The following STK17A variants were observed in gnomAD, a reference collection of about 807,000 sequenced individuals.
The protein encoded by STK17A is serine/threonine-protein kinase 17A.
In STK17A, 26 loss-of-function variants were observed where a neutral mutation model predicts 43.7. The observed-to-expected ratio is 0.60, with a 90% CI of 0.44 to 0.83. The LOEUF (loss-of-function observed/expected upper bound fraction) is 0.83. Among genes scored for constraint, STK17A ranks in the 40% least tolerant of loss-of-function variants. STK17A has a pLI of 0.00. For missense variants in STK17A, 476 were observed against 511.6 expected, an observed-to-expected ratio of 0.93 and a Z score of 0.67; for synonymous variants, 191 against 182.5, an observed-to-expected ratio of 1.05 and a Z score of -0.38.
chr7:43,590,719 A>C (rs1222950128), intron 1 of STK17A, among the ~76,000 whole-genome samples: 1 of 151,512 alleles, frequency 6.6e-6, no homozygotes, highest in Non-Finnish European at 1.5e-5. Flanking sequence ...TTTGGACCTC[A>C]TCAGCCCCAA....
In STK17A at chr7:43,623,895, A is replaced by G. The variant is rs146014869; in HGVS notation, c.920+7A>G. 245 of 1,479,366 alleles carry G rather than the reference A, an allele frequency of 1.7e-4. No individual in the cohort carries two copies. In the African/African-American group the frequency reaches 3.3e-3, roughly 20 times the overall value. The allele number at this position is 1,479,366 out of a possible 1,614,324, so 91.6% of individuals were successfully genotyped here. A position where few individuals can be genotyped will look rare whatever the true frequency, so the allele number is the denominator to read the frequency against. On this transcript the variant is annotated splice_region_variant and intron_variant, in intron 6 of 6. Transcript: ENST00000319357. ...TTTTAGTTAAGAAACCTGAGTAAGTATTATTTTTATTAGTTTAATATTGAA... is the reference window on the plus strand; with the variant it reads ...TTTTAGTTAAGAAACCTGAGTAAGTGTTATTTTTATTAGTTTAATATTGAA...
intron 4 of STK17A, chr7:43,622,281 A>G (rs1052748919): frequency 5.3e-5 from 8 of 151,354 alleles, no homozygotes; most frequent in African/African-American, 2.0e-4. Flanking sequence ...TTCTCACTCA[A>G]CCATTTCAGA....
intron 1 of STK17A, among the ~76,000 whole-genome samples, chr7:43,583,804 C>T (rs2082420291): frequency 6.6e-6 from 1 of 152,204 alleles, no homozygotes; most frequent in African/African-American, 2.4e-5. Context: ...GGTCTGAAAA[C>T]CAGAGGTCTG....
At chr7:43,586,567 A>G (rs1006674655) in intron 1 of STK17A, among the ~76,000 whole-genome samples, 1 of 151,626 alleles carries the variant, frequency 6.6e-6, no homozygotes. Context: ...ACTGGGGCAC[A>G]CAAGAGAAAT....
intron 3 of STK17A, 66 bp downstream of exon 3, chr7:43,608,466 G>A: frequency 2.6e-6 from 4 of 1,528,530 alleles, no homozygotes; most frequent in Non-Finnish European, 3.5e-6. Context: ...ATATTTAACA[G>A]TGATTTATTC....
chr7:43,602,499 G>A (rs2082562218), intron 2 of STK17A, among the ~76,000 whole-genome samples: 1 of 152,178 alleles, frequency 6.6e-6, no homozygotes, highest in South Asian at 2.1e-4. Context: ...AGTCCTGTGT[G>A]CCAAAATTAG....
At chr7:43,600,639 A>G (rs2082549028) in intron 2 of STK17A, among the ~76,000 whole-genome samples, 1 of 152,236 alleles carries the variant, frequency 6.6e-6, no homozygotes, top group African/African-American at 2.4e-5. Flanking sequence ...CAAAAGCGAT[A>G]TTCATTGATT....
intron 1 of STK17A, among the ~76,000 whole-genome samples, chr7:43,595,484 G>T (rs59191975): frequency 1.3e-3 from 195 of 152,092 alleles, no homozygotes; most frequent in African/African-American, 4.5e-3. Context: ...TCGCCATTTT[G>T]GCCAGGTTGG....
intron 2 of STK17A, among the ~76,000 whole-genome samples, chr7:43,607,647 CAAAAAA>C (rs760624386): frequency 1.3e-4 from 7 of 54,356 alleles, no homozygotes; most frequent in South Asian, 7.9e-4. Flanking sequence ...GACTCCGTCT[CAAAAAA>C]AAAAAAAAAA....
rs762040230 is a variant in STK17A, at chr7:43,624,886, G to A, written c.*44G>A. The A allele has an allele frequency of 1.3e-5, 20 of 1,501,134 alleles. No homozygotes were observed. The Admixed American group carries it at 2.9e-4, about 22-fold the overall frequency. The allele number at this position is 1,501,134 out of a possible 1,614,324, so 93.0% of individuals were successfully genotyped here. ...ACTTCAAGATTTCTACATTGAAAATGTTAATATTATTTATGGACCTCTGGC... is the reference window on the plus strand; with the variant it reads ...ACTTCAAGATTTCTACATTGAAAATATTAATATTATTTATGGACCTCTGGC... On this transcript the variant is annotated 3_prime_UTR_variant, in exon 7 of 7. Coordinates refer to ENST00000319357, the MANE Select transcript of STK17A (RefSeq NM_004760.3).
At chr7:43,597,522 C>T (rs1234407887) in intron 2 of STK17A, among the ~76,000 whole-genome samples, 2 of 152,080 alleles carry the variant, frequency 1.3e-5, no homozygotes, top group Admixed American at 6.5e-5. Context: ...GCTAGGATTA[C>T]AGGCATCCGT....
intron 3 of STK17A, among the ~76,000 whole-genome samples, chr7:43,615,207 A>T (rs960466221): frequency 3.3e-5 from 5 of 152,162 alleles, no homozygotes; most frequent in Admixed American, 6.5e-5. Flanking sequence ...ATAGGGTCGT[A>T]TTCTGTTACC....
rs772142141 is a variant in STK17A at position 43,624,623 on chromosome 7, C to T, written c.1026C>T (p.Ala342=). The T allele has an allele frequency of 6.2e-7, 1 of 1,614,040 alleles. No homozygotes were observed. The highest frequency in any genetic ancestry group is 1.7e-5 in the Admixed American group (1 of 60,012). ...AAAAGGCACTAGAAGAAGCAAATGC[C>T]CTCCAAGAAGGTCATTCTGTGCCTG... is the stretch of plus-strand genomic sequence containing the variant. ...RMEKALEEAN[A]LQEGHSVPEI... The change falls in exon 7 of 7, where the codon GCC becomes GCT. Residue 342 remains alanine, a synonymous_variant. Coordinates refer to ENST00000319357, the MANE Select transcript of STK17A (RefSeq NM_004760.3).
chr7:43,625,963 TTTTA>T lies in STK17A; in HGVS notation c.*1125_*1128del, dbSNP rs750786532. The T allele has an allele frequency of 4.6e-5, 7 of 152,224 alleles. No homozygotes were observed. The highest frequency in any genetic ancestry group is 6.5e-5 in the Admixed American group (1 of 15,280). 9.4% of individuals were successfully genotyped at this position (152,224 alleles called of 1,614,324 possible). ...AAGATGTATAAGAATGTACTAATAG[TTTTA>T]TTTGATTAGGATTGAACAGTTCAGT... On this transcript the variant is annotated 3_prime_UTR_variant, in exon 7 of 7. Coordinates refer to ENST00000319357, the MANE Select transcript of STK17A (RefSeq NM_004760.3).
chr7:43,606,286 A>G (rs990014015), intron 2 of STK17A, among the ~76,000 whole-genome samples: 15 of 152,196 alleles, frequency 9.9e-5, no homozygotes, highest in Admixed American at 6.5e-5. Flanking sequence ...GCCTCAGAGC[A>G]GGACAGAAAT....
At position 43,623,592 on chromosome 7, in the gene STK17A, G is replaced by T; in HGVS notation, c.712G>T (p.Asp238Tyr). Residue 238 changes from aspartate to tyrosine, a missense_variant, in exon 5 of 7, where the codon GAT (aspartate) becomes TAT (tyrosine). This residue lies in a region of STK17A where 320 missense variants were observed against 326.3 expected (regional missense o/e 0.98). Transcript: ENST00000319357. ...EYVAPEILSY[D>Y]PISMATDMWS... ...ACTAGCTCCTGAAATTCTTAGTTAT[G>T]ATCCTATAAGCATGGCAACAGATAT... The T allele has an allele frequency of 6.2e-7, 1 of 1,609,972 alleles. No individual in the cohort carries two copies. Among genetic ancestry groups the T allele is most frequent in the South Asian group, 1.1e-5 (1 of 89,864 alleles).
At position 43,583,290 on chromosome 7, in the gene STK17A, C is replaced by T. The variant is rs766177555; in HGVS notation, c.47C>T (p.Ala16Val). ...GGCAGCGGCGGCTCCTCCCCAGGCG[C>T]CACCTCAGGCTCGGGCCGGGCAGGC... is the stretch of plus-strand genomic sequence containing the variant. ...KPGSGGSSPG[A>V]TSGSGRAGRG... The change falls in exon 1 of 7, where the codon GCC becomes GTC. Residue 16 changes from alanine (A) to valine (V), a missense_variant. Ala to Val is a moderately conservative substitution (Grantham distance 64). This residue lies in a region of STK17A where 320 missense variants were observed against 326.3 expected (regional missense o/e 0.98). Transcript: ENST00000319357. 1.0e-5 allele frequency: 16 copies of T among 1,541,556 alleles called. No individual in the cohort carries two copies. The East Asian group carries it at 3.3e-4, about 32-fold the overall frequency.
At chr7:43,619,523 T>C (rs2083656487) in intron 3 of STK17A, 74 bp from the exon 4 acceptor site, 1 of 1,527,450 alleles carries the variant, frequency 6.5e-7, no homozygotes, top group Admixed American at 2.1e-5. Flanking sequence ...AGGTGAAATA[T>C]GTTTTATGGG....
In STK17A at chr7:43,621,615, G is replaced by A. The variant is rs970487044; in HGVS notation, c.691+1892G>A. Among the ~76,000 whole-genome samples the A allele has an allele frequency of 3.9e-5, 6 of 152,056 alleles. 1 individual carries two copies. Among genetic ancestry groups the A allele is most frequent in the South Asian group, 4.2e-4 (2 of 4,798 alleles). On this transcript the variant is annotated intron_variant, in intron 4 of 6. Coordinates refer to ENST00000319357, the MANE Select transcript of STK17A (RefSeq NM_004760.3). ...CCCGAGTAGCTGGGACCACAGGCAC[G>A]TGCCAGCACAGCGGGCCAGTTTTTT...
Sources: gnomAD v4.1 joint callset for allele counts (sites outside exome capture counted in the v4.1 genomes callset) on GRCh38, gnomAD v4.1.1 for gene constraint, gnomAD v4.1.1 regional missense constraint, MANE v1.5 for transcripts, NCBI Gene and HGNC (gene_info 2026-07-23, HGNC 2026-07-21) for gene names.